RBFOX1: variants seen among roughly 807,000 people sequenced by gnomAD.
The protein encoded by RBFOX1 is RNA binding protein fox-1 homolog 1.
Under a neutral mutation model 57.7 loss-of-function variants are expected in RBFOX1, and 8 were observed. The observed-to-expected ratio is 0.14, with a 90% CI of 0.08 to 0.25. The LOEUF (loss-of-function observed/expected upper bound fraction) is 0.25, where lower values mean the gene tolerates loss of function less well. RBFOX1 is among the 10% of genes least tolerant of loss of function. RBFOX1 has a pLI of 1.00. For synonymous variants in RBFOX1, 326 were observed against 222.4 expected, an observed-to-expected ratio of 1.47 and a Z score of -4.15; for missense variants, 611 against 548.5, an observed-to-expected ratio of 1.11 and a Z score of -1.14.
intron 3 of RBFOX1, among the ~76,000 whole-genome samples, chr16:6,747,119 T>G (rs2073858214): frequency 6.6e-6 from 1 of 152,110 alleles, no homozygotes; most frequent in Admixed American, 6.6e-5. Context: ...TTAAATTATC[T>G]TACTGGTCGG....
At chr16:6,482,166 G>A (rs1394298284) in intron 2 of RBFOX1, among the ~76,000 whole-genome samples, 1 of 152,178 alleles carries the variant, frequency 6.6e-6, no homozygotes, top group African/African-American at 2.4e-5. Flanking sequence ...GAAGGACACA[G>A]GCAGGAAGCC....
chr16:6,051,644 A>G lies in RBFOX1; in HGVS notation c.-127+31652A>G, dbSNP rs557901974. 1.1e-4 allele frequency among the ~76,000 whole-genome samples: 16 copies of G among 152,156 alleles called. No homozygotes were observed. In the East Asian group the frequency reaches 2.1e-3, roughly 20 times the overall value. On this transcript the variant is annotated intron_variant, in intron 1 of 15. Coordinates refer to ENST00000550418, the MANE Select transcript of RBFOX1 (RefSeq NM_018723.4). ...AATGGCACAATCTTGGCTCATGGCA[A>G]CCTCTGCCTCTCAGGTTCAAGCAAT...
In RBFOX1 at chr16:7,229,203, A is replaced by G. The variant is rs191760442; in HGVS notation, c.27+177105A>G. Among the ~76,000 whole-genome samples the G allele has an allele frequency of 1.8e-3, 273 of 152,362 alleles. 1 individual carries two copies. The highest frequency in any genetic ancestry group is 6.3e-3 in the African/African-American group (263 of 41,586). ...CATGCTTCAGAAAGCGTCGGCCTTA[A>G]ACATTGCAGTGTCCCAGTGATGCAT... On this transcript the variant is annotated intron_variant, in intron 4 of 15. Coordinates refer to ENST00000550418, the MANE Select transcript of RBFOX1 (RefSeq NM_018723.4).
At chr16:5,583,441 A>G (rs1448134220) in intron 2 of RBFOX1, among the ~76,000 whole-genome samples, 1 of 152,208 alleles carries the variant, frequency 6.6e-6, no homozygotes, top group Non-Finnish European at 1.5e-5. Flanking sequence ...AAATAAGTCA[A>G]ACGCCGAGCT....
intron 2 of RBFOX1, among the ~76,000 whole-genome samples, chr16:5,536,433 C>T (rs2044700731): frequency 1.3e-5 from 2 of 151,890 alleles, no homozygotes; most frequent in South Asian, 4.2e-4. Context: ...TGGGATTTCA[C>T]CATGATTGGT....
Position 6,248,091 on chromosome 16 carries a change from G to A in RBFOX1, c.-126-68904G>A, listed in dbSNP as rs117720877. On this transcript the variant is annotated intron_variant, in intron 1 of 15. Transcript: ENST00000550418. ...AAAGCAGCCTCTCTTTTTAAAAGCC[G>A]TCTCTCTTTTATTCCTTCCATAATA... is the stretch of plus-strand genomic sequence containing the variant. Among the ~76,000 whole-genome samples the A allele has an allele frequency of 9.3e-4, 141 of 152,268 alleles. 1 individual carries two copies. Among genetic ancestry groups the A allele is most frequent in the Middle Eastern group, 3.4e-3 (1 of 294 alleles).
chr16:7,093,527 C>G (rs1175933612), intron 4 of RBFOX1, among the ~76,000 whole-genome samples: 1 of 152,156 alleles, frequency 6.6e-6, no homozygotes, highest in Non-Finnish European at 1.5e-5. Flanking sequence ...ACCCACTTAT[C>G]CAGATACTCT....
intron 2 of RBFOX1, among the ~76,000 whole-genome samples, chr16:5,501,089 G>A (rs2043178178): frequency 6.6e-6 from 1 of 152,118 alleles, no homozygotes; most frequent in African/African-American, 2.4e-5. Context: ...GCCGAGGTGG[G>A]CGGGTCACCT....
intron 4 of RBFOX1, among the ~76,000 whole-genome samples, chr16:5,942,068 T>C (rs1203150076): frequency 1.3e-5 from 2 of 152,156 alleles, no homozygotes; most frequent in South Asian, 2.1e-4. Context: ...TCAATTATCC[T>C]AGACCAGCCT....
intron 4 of RBFOX1, among the ~76,000 whole-genome samples, chr16:7,214,140 A>G (rs2091632741): frequency 6.6e-6 from 1 of 151,918 alleles, no homozygotes; most frequent in Non-Finnish European, 1.5e-5. Flanking sequence ...CTGACCATTT[A>G]TCTCAAACAA....
intron 1 of RBFOX1, among the ~76,000 whole-genome samples, chr16:6,065,954 A>G (rs765219960): frequency 2.0e-4 from 30 of 152,174 alleles, no homozygotes; most frequent in Non-Finnish European, 3.8e-4. Flanking sequence ...TAATTTGGAA[A>G]GTGCGCTAAG....
intron 4 of RBFOX1, among the ~76,000 whole-genome samples, chr16:7,489,453 C>G (rs566769720): frequency 4.9e-4 from 75 of 152,144 alleles, no homozygotes; most frequent in African/African-American, 1.7e-3. Context: ...GTTGTAGCTT[C>G]TTTTGCTGTT....
intron 1 of RBFOX1, among the ~76,000 whole-genome samples, chr16:6,084,077 C>G (rs1340266227): frequency 6.6e-6 from 1 of 152,178 alleles, no homozygotes; most frequent in Non-Finnish European, 1.5e-5. Context: ...CCCTGAGCAA[C>G]TTGCACTTAG....
In RBFOX1 at chr16:6,717,943, A is replaced by G. The variant is rs947586992; in HGVS notation, c.-16+63293A>G. 5.3e-5 allele frequency among the ~76,000 whole-genome samples: 8 copies of G among 152,222 alleles called. No individual in the cohort carries two copies. The South Asian group carries it at 1.0e-3, about 20-fold the overall frequency. ...AAAGCTTCAGTTCCACATAGTGGTC[A>G]GTGGCTTCACAAAATAAATTCTGTA... On this transcript the variant is annotated intron_variant, in intron 3 of 15. Coordinates refer to ENST00000550418, the MANE Select transcript of RBFOX1 (RefSeq NM_018723.4).
At chr16:6,937,259 C>G (rs1597754049) in intron 3 of RBFOX1, among the ~76,000 whole-genome samples, 1 of 152,084 alleles carries the variant, frequency 6.6e-6, no homozygotes, top group East Asian at 1.9e-4. Flanking sequence ...CCAGATTCAA[C>G]AATTGCCAAC....
chr16:6,629,983 A>G (rs963981481), intron 2 of RBFOX1, among the ~76,000 whole-genome samples: 39 of 150,770 alleles, frequency 2.6e-4, no homozygotes, highest in African/African-American at 9.5e-4. Flanking sequence ...TAAAAAAAAA[A>G]AAGACCATTG....
intron 1 of RBFOX1, chr16:5,366,551 C>G (rs2065721250): frequency 2.5e-6 from 1 of 395,784 alleles, no homozygotes; most frequent in Non-Finnish European, 4.8e-6. Flanking sequence ...GATGTTAGAG[C>G]AGAAATGCAA....
intron 4 of RBFOX1, among the ~76,000 whole-genome samples, chr16:7,233,115 C>A (rs1175620191): frequency 6.6e-6 from 1 of 152,056 alleles, no homozygotes; most frequent in Non-Finnish European, 1.5e-5. Flanking sequence ...GGATGCTTTC[C>A]CTTCCCAGTT....
intron 1 of RBFOX1, among the ~76,000 whole-genome samples, chr16:5,443,619 C>G (rs2068152672): frequency 1.3e-5 from 2 of 152,192 alleles, no homozygotes; most frequent in African/African-American, 2.4e-5. Context: ...GGATTACAGG[C>G]TTGAGCCACC....
Sources: allele counts gnomAD v4.1 joint callset (sites outside exome capture counted in the v4.1 genomes callset), GRCh38; gene constraint gnomAD v4.1.1; transcripts MANE v1.5; gene names NCBI Gene and HGNC (gene_info 2026-07-23, HGNC 2026-07-21).